Variants in EYS observed in about 807,000 individuals in gnomAD.
EYS encodes the protein EGF-like photoreceptor maintenance factor, also known as protein eyes shut homolog.
In EYS, 250 loss-of-function variants were observed where a neutral mutation model predicts 282.1. That is an observed-to-expected ratio of 0.89 (90% CI 0.80 to 0.98). The LOEUF (loss-of-function observed/expected upper bound fraction) is 0.98. EYS is among the 50% of genes least tolerant of loss of function. EYS has a pLI of 0.00. For missense variants in EYS, 4,016 were observed against 3,709.0 expected (o/e 1.08, Z -2.15); for synonymous variants, 1,355 against 1,282.9 (o/e 1.06, Z -1.20).
intron 19 of EYS, among the ~76,000 whole-genome samples, chr6:64,885,782 G>A (rs552132405): frequency 1.3e-5 from 2 of 151,782 alleles, no homozygotes; most frequent in South Asian, 2.1e-4. Flanking sequence ...TTAAGGTCAC[G>A]TAACTTTCTC....
chr6:64,467,168 T>C (rs1176376910), intron 26 of EYS, among the ~76,000 whole-genome samples: 3 of 152,208 alleles, frequency 2.0e-5, no homozygotes, highest in African/African-American at 4.8e-5. Flanking sequence ...TATTTATTAG[T>C]ATTCAGGGAA....
chr6:65,349,533 A>G (rs1216533859), intron 9 of EYS, among the ~76,000 whole-genome samples: 3 of 151,532 alleles, frequency 2.0e-5, no homozygotes, highest in African/African-American at 7.2e-5. Context: ...ATGAAACTGT[A>G]TGTATCATAC....
At chr6:64,197,204 C>A (rs926418148) in intron 31 of EYS, among the ~76,000 whole-genome samples, 35 of 152,196 alleles carry the variant, frequency 2.3e-4, no homozygotes, top group African/African-American at 7.9e-4. Context: ...ATAATAATTT[C>A]TATGAAATAT....
At chr6:64,049,090 A>G (rs1180354028) in intron 33 of EYS, among the ~76,000 whole-genome samples, 2 of 152,176 alleles carry the variant, frequency 1.3e-5, no homozygotes, top group Non-Finnish European at 2.9e-5. Flanking sequence ...ACAGTATAGT[A>G]GTTATTTTGT....
chr6:65,114,261 A>G (rs16896244), intron 12 of EYS, among the ~76,000 whole-genome samples: 39,719 of 151,140 alleles, frequency 0.26, 6,397 homozygotes, highest in African/African-American at 0.45. Context: ...AAATATATGT[A>G]ACTCTTATGA....
intron 18 of EYS, among the ~76,000 whole-genome samples, chr6:64,897,204 C>T (rs914258937): frequency 4.6e-5 from 7 of 151,886 alleles, no homozygotes; most frequent in African/African-American, 1.7e-4. Context: ...TACAGGAGAG[C>T]TCTGGTTGGC....
intron 33 of EYS, among the ~76,000 whole-genome samples, chr6:64,061,664 T>A (rs1465417090): frequency 6.6e-6 from 1 of 152,206 alleles, no homozygotes; most frequent in Non-Finnish European, 1.5e-5. Context: ...ATTTTACAAG[T>A]TGGGCTTATG....
rs1362658404 is a variant in EYS, at chr6:63,777,995, G to A, written c.7898+11C>T. 1.3e-6 allele frequency: 2 copies of A among 1,550,880 alleles called. No homozygotes were observed. Among genetic ancestry groups the A allele is most frequent in the African/African-American group, 1.4e-5 (1 of 73,142 alleles). ...ACCTGCTACTTTCATTCCTAATAAC[G>A]TCATACTTACTAAACACTAGTTCCA... On this transcript the variant is annotated intron_variant, in intron 40 of 42. Coordinates refer to ENST00000503581, the MANE Select transcript of EYS (RefSeq NM_001142800.2).
intron 35 of EYS, among the ~76,000 whole-genome samples, chr6:63,967,385 G>C (rs1265321532): frequency 1.3e-5 from 2 of 152,214 alleles, no homozygotes; most frequent in East Asian, 3.8e-4. Flanking sequence ...GTGGACTACT[G>C]TGTAGAAGTA....
intron 29 of EYS, among the ~76,000 whole-genome samples, chr6:64,309,549 A>G (rs1046702961): frequency 6.6e-5 from 10 of 151,338 alleles, no homozygotes; most frequent in East Asian, 3.9e-4. Context: ...TTAGCTTCCA[A>G]ATAAATTCCC....
chr6:63,870,286 TAC>T lies in EYS; in HGVS notation c.7056-5930_7056-5929del, dbSNP rs1278804231. ...TCCCCTGACCTCAGTAATGTTCACA[TAC>T]ACACAGTTTCTACTCAACTGTTACC... is the stretch of plus-strand genomic sequence containing the variant. On this transcript the variant is annotated intron_variant, in intron 35 of 42. Coordinates refer to ENST00000503581, the MANE Select transcript of EYS (RefSeq NM_001142800.2). Among the ~76,000 whole-genome samples the T allele has an allele frequency of 5.3e-5, 8 of 152,350 alleles. No individual in the cohort carries two copies. The South Asian group carries it at 1.4e-3, about 28-fold the overall frequency.
chr6:63,984,188 G>A (rs961638144), intron 35 of EYS, among the ~76,000 whole-genome samples, 195 bp downstream of exon 35: 2 of 151,704 alleles, frequency 1.3e-5, no homozygotes, highest in African/African-American at 2.4e-5. Flanking sequence ...CTTGTCTCTT[G>A]AGCTACAATA....
chr6:63,806,900 GCTTTT>G (rs1301649945), intron 36 of EYS: 1 of 152,190 alleles, frequency 6.6e-6, no homozygotes, highest in East Asian at 1.9e-4. Flanking sequence ...AGTGACCAGA[GCTTTT>G]CTTTAAGTAA....
chr6:64,787,451 T>G, intron 22 of EYS, among the ~76,000 whole-genome samples: 1 of 150,758 alleles, frequency 6.6e-6, no homozygotes, highest in East Asian at 1.9e-4. Flanking sequence ...TTTTAAAAAC[T>G]TTGTTTTTTT....
At chr6:65,432,017 T>C (rs1457129383) in intron 5 of EYS, among the ~76,000 whole-genome samples, 1 of 152,118 alleles carries the variant, frequency 6.6e-6, no homozygotes, top group Non-Finnish European at 1.5e-5. Flanking sequence ...AGATTCCTTC[T>C]GGAAACCAAG....
At chr6:64,964,207 G>A (rs1362864524) in intron 14 of EYS, among the ~76,000 whole-genome samples, 1 of 151,838 alleles carries the variant, frequency 6.6e-6, no homozygotes, top group Admixed American at 6.6e-5. Context: ...TTAATATAGG[G>A]CTCTCGATAT....
intron 31 of EYS, among the ~76,000 whole-genome samples, chr6:64,162,107 TTTTCTCAGCATAAGTCCCTTCCACCCACG>T (rs1339457943): frequency 6.6e-6 from 1 of 152,084 alleles, no homozygotes; most frequent in African/African-American, 2.4e-5. Flanking sequence ...GAAAGTGTGC[TTTTCTCAGCATAAGTCCCTTCCACCCACG>T]TAAAAGGGTA....
rs538787569 is a variant in EYS at position 64,350,698 on chromosome 6, TC to T, written c.6078+37991del. ...GAATTATTCTGGGAAGATACTTACATCCTCAAATGCCACATTTGTCTGTATA... is the reference window on the plus strand; with the variant it reads ...GAATTATTCTGGGAAGATACTTACATCTCAAATGCCACATTTGTCTGTATA... On this transcript the variant is annotated intron_variant, in intron 29 of 42. Transcript: ENST00000503581. 2.6e-5 allele frequency among the ~76,000 whole-genome samples: 4 copies of T among 151,742 alleles called. No individual in the cohort carries two copies. The South Asian group carries it at 8.3e-4, about 31-fold the overall frequency.
intron 20 of EYS, 37 bp from the exon 21 acceptor site, chr6:64,821,760 T>C: frequency 8.2e-7 from 1 of 1,221,640 alleles, no homozygotes; most frequent in Non-Finnish European, 1.2e-6. Flanking sequence ...TTCAAATAAG[T>C]AGATGTTAAA....
Sources: gnomAD v4.1 joint callset for allele counts (sites outside exome capture counted in the v4.1 genomes callset) on GRCh38, gnomAD v4.1.1 for gene constraint, MANE v1.5 for transcripts, NCBI Gene and HGNC (gene_info 2026-07-23, HGNC 2026-07-21) for gene names.